MSRB3: variants seen among roughly 807,000 people sequenced by gnomAD.
The protein encoded by MSRB3 is methionine sulfoxide reductase B3.
Under a neutral mutation model 21.0 loss-of-function variants are expected in MSRB3, and 13 were observed. The observed-to-expected ratio is 0.62, with a 90% CI of 0.40 to 0.98. The LOEUF is 0.98. Among genes scored for constraint, MSRB3 ranks in the 50% least tolerant of loss-of-function variants. The pLI is 0.00. For synonymous variants in MSRB3, 87 were observed against 88.6 expected (o/e 0.98, Z 0.10); for missense variants, 199 against 230.3 (o/e 0.86, Z 0.88).
chr12:65,402,743 C>G (rs547571107), intron 5 of MSRB3, among the ~76,000 whole-genome samples: 1 of 152,156 alleles, frequency 6.6e-6, no homozygotes, highest in Non-Finnish European at 1.5e-5. Context: ...TCCCCATCTT[C>G]GTGGATTTAT....
At chr12:65,289,493 AAAAT>A (rs531206099) in intron 1 of MSRB3, among the ~76,000 whole-genome samples, 8 of 152,174 alleles carry the variant, frequency 5.3e-5, no homozygotes, top group African/African-American at 1.7e-4. Context: ...ATTCTATCTA[AAAAT>A]AAATAAATAA....
chr12:65,456,252 A>AT (rs1883088155), intron 6 of MSRB3, among the ~76,000 whole-genome samples: 2 of 152,166 alleles, frequency 1.3e-5, no homozygotes, highest in African/African-American at 4.8e-5. Flanking sequence ...CTCAGAACCC[A>AT]TTTTCAAACA....
chr12:65,302,316 A>T (rs6581625), intron 1 of MSRB3, among the ~76,000 whole-genome samples: 13,125 of 152,096 alleles, frequency 0.086, 1,949 homozygotes, highest in African/African-American at 0.3. Flanking sequence ...TCTCTTTGGT[A>T]CCAAACTCCC....
At chr12:65,279,090 C>T (rs1871842246) in intron 1 of MSRB3, 22 of 1,392,344 alleles carry the variant, frequency 1.6e-5, no homozygotes, top group East Asian at 2.8e-5. Context: ...TGGTTTCCCC[C>T]CACCCGCCGA....
chr12:65,315,866 A>G (rs560703942), intron 2 of MSRB3, among the ~76,000 whole-genome samples: 1 of 152,296 alleles, frequency 6.6e-6, no homozygotes, highest in African/African-American at 2.4e-5. Flanking sequence ...AATTTTTATC[A>G]CTAGAGTATT....
In MSRB3 at chr12:65,418,950, CTCTGCCCGGG is replaced by C. The variant is rs544057140; in HGVS notation, c.293-34773_293-34764del. On this transcript the variant is annotated intron_variant, in intron 5 of 6. Coordinates refer to ENST00000308259, the MANE Select transcript of MSRB3 (RefSeq NM_001031679.3). ...CCTACTCCTGGGCCTGGTGCTGCCCCTCTGCCCGGGTCTGTGTCAACTCCAACTCCAGGTG... is the reference window on the plus strand; with the variant it reads ...CCTACTCCTGGGCCTGGTGCTGCCCCTCTGTGTCAACTCCAACTCCAGGTG... 343 of 711,564 alleles carry C rather than the reference CTCTGCCCGGG, an allele frequency of 4.8e-4. 1 individual carries two copies. The African/African-American group carries it at 5.0e-3, about 10-fold the overall frequency. 44.1% of individuals were successfully genotyped at this position (711,564 alleles called of 1,614,324 possible).
At chr12:65,376,362 G>C (rs945398543) in intron 5 of MSRB3, among the ~76,000 whole-genome samples, 1 of 151,992 alleles carries the variant, frequency 6.6e-6, no homozygotes, top group Non-Finnish European at 1.5e-5. Context: ...CTCGTGATCC[G>C]CCCGCCTCGG....
intron 4 of MSRB3, among the ~76,000 whole-genome samples, chr12:65,353,171 T>A (rs543564145): frequency 3.3e-5 from 5 of 152,214 alleles, no homozygotes; most frequent in Admixed American, 3.3e-4. Flanking sequence ...GGAATAGGCG[T>A]GGTGTGGTGC....
At chr12:65,372,370 T>TA (rs1265397867) in intron 5 of MSRB3, among the ~76,000 whole-genome samples, 1 of 152,260 alleles carries the variant, frequency 6.6e-6, no homozygotes, top group Non-Finnish European at 1.5e-5. Flanking sequence ...GGTCTCTGTG[T>TA]ACTGAGTAAT....
At chr12:65,378,434 T>C (rs1302421997) in intron 5 of MSRB3, among the ~76,000 whole-genome samples, 1 of 152,240 alleles carries the variant, frequency 6.6e-6, no homozygotes, top group African/African-American at 2.4e-5. Context: ...TGGCACATGC[T>C]AGTTGCAGGT....
intron 5 of MSRB3, among the ~76,000 whole-genome samples, chr12:65,402,197 G>A (rs1275568569): frequency 6.6e-6 from 1 of 152,174 alleles, no homozygotes; most frequent in East Asian, 1.9e-4. Context: ...ATATTTTCCT[G>A]AAGAGTGTTT....
chr12:65,395,364 G>T (rs1879721354), intron 5 of MSRB3, among the ~76,000 whole-genome samples: 1 of 152,026 alleles, frequency 6.6e-6, no homozygotes, highest in African/African-American at 2.4e-5. Context: ...TACTCAGGAG[G>T]CCGAGGCAGA....
intron 5 of MSRB3, among the ~76,000 whole-genome samples, chr12:65,422,428 A>ATATTTATT (rs1555212226): frequency 8.7e-4 from 64 of 73,366 alleles, no homozygotes; most frequent in South Asian, 1.8e-3. Flanking sequence ...ATATATATAT[A>ATATTTATT]TATTTATTTA....
At chr12:65,433,237 A>G (rs1047419034) in intron 5 of MSRB3, among the ~76,000 whole-genome samples, 1 of 151,714 alleles carries the variant, frequency 6.6e-6, no homozygotes, top group Non-Finnish European at 1.5e-5. Flanking sequence ...TTTTCATTTT[A>G]GTTTCTTCTG....
intron 2 of MSRB3, among the ~76,000 whole-genome samples, chr12:65,309,391 A>G (rs574639899): frequency 3.3e-5 from 5 of 152,336 alleles, no homozygotes; most frequent in Non-Finnish European, 5.9e-5. Flanking sequence ...GTACATATCT[A>G]TCACTACATT....
At chr12:65,425,344 T>C (rs968587117) in intron 5 of MSRB3, among the ~76,000 whole-genome samples, 1 of 152,092 alleles carries the variant, frequency 6.6e-6, no homozygotes, top group Non-Finnish European at 1.5e-5. Context: ...AGTTGGTTCA[T>C]TTACATTCAA....
chr12:65,291,168 CTT>C (rs1213648589), intron 1 of MSRB3, among the ~76,000 whole-genome samples: 21 of 151,882 alleles, frequency 1.4e-4, no homozygotes, highest in Non-Finnish European at 2.8e-4. Context: ...TCACTGCAAT[CTT>C]TGCCTCCCAG....
At position 65,453,821 on chromosome 12, in the gene MSRB3, C is replaced by G. The variant is rs1287090859; in HGVS notation, c.386C>G (p.Ser129Cys). The G allele has an allele frequency of 6.2e-7, 1 of 1,613,244 alleles. No individual in the cohort carries two copies. Among genetic ancestry groups the G allele is most frequent in the Admixed American group, 1.7e-5 (1 of 60,004 alleles). The stretch of plus-strand genomic sequence containing the variant: ...ATGCACAGGGTGGAAACAAGCTGCT[C>G]TCAGGTGAGTTCATCCTTTCTGAAA... ...YGMHRVETSC[S>C]QCGAHLGHIF... The change falls in exon 6 of 7, where the codon TCT becomes TGT. Residue 129 changes from serine to cysteine, a missense_variant. Transcript: ENST00000308259.
chr12:65,403,358 G>A (rs965787411), intron 5 of MSRB3, among the ~76,000 whole-genome samples: 3 of 152,142 alleles, frequency 2.0e-5, no homozygotes, highest in African/African-American at 7.2e-5. Context: ...GCCAAGTTGC[G>A]GTGGGCTCTG....
Sources: gnomAD v4.1 joint callset for allele counts (sites outside exome capture counted in the v4.1 genomes callset) on GRCh38, gnomAD v4.1.1 for gene constraint, MANE v1.5 for transcripts, NCBI Gene and HGNC (gene_info 2026-07-23, HGNC 2026-07-21) for gene names.